TMEM132B: variants seen among roughly 807,000 people sequenced by gnomAD.
TMEM132B encodes transmembrane protein 132B.
TMEM132B carries 18 observed loss-of-function variants against 90.8 expected under a neutral mutation model. That is an observed-to-expected ratio of 0.20 (90% CI 0.14 to 0.29). TMEM132B has a LOEUF of 0.29. TMEM132B is among the 10% of genes least tolerant of loss of function. The pLI is 1.00. For synonymous variants in TMEM132B, 504 were observed against 523.3 expected, an observed-to-expected ratio of 0.96 and a Z score of 0.50; for missense variants, 1,096 against 1,326.8, an observed-to-expected ratio of 0.83 and a Z score of 2.70.
chr12:125,250,900 T>G (rs1874303362), intron 1 of TMEM132B, among the ~76,000 whole-genome samples: 1 of 152,210 alleles, frequency 6.6e-6, no homozygotes, highest in African/African-American at 2.4e-5. Context: ...TCTTCCTTTA[T>G]TCCCTTAAAA....
At position 125,408,241 on chromosome 12, in the gene TMEM132B, A is replaced by G. The variant is rs1471603337; in HGVS notation, c.960-7290A>G. Among the ~76,000 whole-genome samples, 1 of 152,076 alleles carries G rather than the reference A, an allele frequency of 6.6e-6. No homozygotes were observed. The highest frequency in any genetic ancestry group is 1.5e-5 in the Non-Finnish European group (1 of 68,028). On this transcript the variant is annotated intron_variant, in intron 2 of 8. Coordinates refer to ENST00000682704, the MANE Select transcript of TMEM132B (RefSeq NM_001366854.1). The surrounding 1 kb of genome is among the most constrained non-coding windows in gnomAD (Gnocchi z 5.9). ...CTGCTGTATAGTGTTCCACTGTGAG[A>G]TGTTACGCTTTACCAGTTCCGTTGT...
intron 1 of TMEM132B, among the ~76,000 whole-genome samples, chr12:125,314,110 CAGAG>C (rs570967931): frequency 9.0e-4 from 137 of 152,258 alleles, no homozygotes; most frequent in African/African-American, 3.0e-3. Flanking sequence ...TACCTGTGTG[CAGAG>C]AGCTTAGCTG....
intron 4 of TMEM132B, among the ~76,000 whole-genome samples, chr12:125,583,338 G>T (rs1885097997): frequency 6.6e-6 from 1 of 152,160 alleles, no homozygotes; most frequent in South Asian, 2.1e-4. Flanking sequence ...GGGAGGTGGG[G>T]TGTGGCAGTC....
At chr12:125,503,612 C>A (rs764504757) in intron 3 of TMEM132B, among the ~76,000 whole-genome samples, 2 of 152,196 alleles carry the variant, frequency 1.3e-5, no homozygotes, top group African/African-American at 2.4e-5. Context: ...CTCGATGTCC[C>A]TTTCCTTGGA....
intron 2 of TMEM132B, among the ~76,000 whole-genome samples, chr12:125,355,574 A>G (rs557377531): frequency 1.3e-5 from 2 of 152,238 alleles, no homozygotes; most frequent in East Asian, 3.9e-4. Flanking sequence ...GTATTGTTAT[A>G]TGTTGTCTGG....
intron 2 of TMEM132B, among the ~76,000 whole-genome samples, chr12:125,401,564 G>A (rs1020477129): frequency 5.3e-5 from 8 of 152,146 alleles, no homozygotes. Flanking sequence ...TCCAGGCAGG[G>A]GGAATGGCAG....
chr12:125,586,267 A>G (rs2136877523), intron 5 of TMEM132B: 1 of 152,312 alleles, frequency 6.6e-6, no homozygotes, highest in Non-Finnish European at 1.5e-5. Context: ...TGAATTTAGA[A>G]AGATGTAAGT....
intron 2 of TMEM132B, among the ~76,000 whole-genome samples, chr12:125,384,286 A>G (rs761995381): frequency 3.9e-4 from 59 of 152,166 alleles, no homozygotes; most frequent in Non-Finnish European, 7.1e-4. Context: ...TTAATGTTAT[A>G]TCCTTGTCAT....
rs61940799 is a variant in TMEM132B at position 125,645,002 on chromosome 12, G to A, written c.1643+721G>A. Among the ~76,000 whole-genome samples, 975 of 151,740 alleles carry A rather than the reference G, an allele frequency of 6.4e-3. 8 individuals are homozygous for A. Among genetic ancestry groups the A allele is most frequent in the South Asian group, 0.042 (200 of 4,776 alleles). ...GGAGGCCAAGGCAGGCGGATCACGA[G>A]GTCTGGAGATCGACACCATCCTGGC... On this transcript the variant is annotated intron_variant, in intron 6 of 8. Transcript: ENST00000682704.
intron 5 of TMEM132B, among the ~76,000 whole-genome samples, chr12:125,599,781 T>C (rs1263788069): frequency 6.6e-6 from 1 of 152,220 alleles, no homozygotes; most frequent in Non-Finnish European, 1.5e-5. Context: ...TGGGCCTTTT[T>C]TTCAGAATTC....
At chr12:125,430,886 G>T (rs377547717) in intron 3 of TMEM132B, among the ~76,000 whole-genome samples, 1 of 152,126 alleles carries the variant, frequency 6.6e-6, no homozygotes, top group Non-Finnish European at 1.5e-5. Flanking sequence ...CAGATAAGGC[G>T]GTCAGGGAGG....
chr12:125,557,115 T>C (rs140290430), intron 4 of TMEM132B, among the ~76,000 whole-genome samples: 1 of 152,302 alleles, frequency 6.6e-6, no homozygotes, highest in Non-Finnish European at 1.5e-5. Flanking sequence ...TACTCCCATA[T>C]TTAGACATAT....
At chr12:125,427,240 T>C (rs1311155921) in intron 3 of TMEM132B, among the ~76,000 whole-genome samples, 1 of 152,172 alleles carries the variant, frequency 6.6e-6, no homozygotes, top group Non-Finnish European at 1.5e-5. Flanking sequence ...CAGGATTCAT[T>C]GGAAGCAGAC....
chr12:125,350,204 G>A lies in TMEM132B; in HGVS notation c.820G>A (p.Asp274Asn). ...IGSVVVYPTQ[D>N]DLKWSLVSLD... ...GAGTGTGGTGGTCTACCCAACCCAAGATGATCTGAAGTGGTCCCTGGTGAG... is the reference window on the plus strand; with the variant it reads ...GAGTGTGGTGGTCTACCCAACCCAAAATGATCTGAAGTGGTCCCTGGTGAG... Residue 274 changes from aspartate (D) to asparagine (N), a missense_variant, in exon 2 of 9, where the codon GAT (aspartate) becomes AAT (asparagine). Asp to Asn is a conservative substitution (Grantham distance 23). Coordinates refer to ENST00000682704, the MANE Select transcript of TMEM132B (RefSeq NM_001366854.1). 1.2e-6 allele frequency: 2 copies of A among 1,614,160 alleles called. No individual in the cohort carries two copies. The highest frequency in any genetic ancestry group is 1.7e-6 in the Non-Finnish European group (2 of 1,180,032).
At chr12:125,409,023 A>G in intron 2 of TMEM132B, among the ~76,000 whole-genome samples, 1 of 152,246 alleles carries the variant, frequency 6.6e-6, no homozygotes. Context: ...AAGTCAAGAC[A>G]AAGACAGTCC....
intron 5 of TMEM132B, chr12:125,586,158 C>G (rs976286002): frequency 1.2e-4 from 19 of 152,300 alleles, no homozygotes; most frequent in African/African-American, 4.1e-4. Flanking sequence ...AGTCATACTT[C>G]AGAGTACAGA....
chr12:125,647,494 T>G (rs768460078), intron 6 of TMEM132B, among the ~76,000 whole-genome samples: 2 of 152,338 alleles, frequency 1.3e-5, no homozygotes, highest in Middle Eastern at 3.4e-3. Context: ...TGAATGGCAA[T>G]GAATTTCTTG....
chr12:125,605,920 T>G (rs116504897), intron 5 of TMEM132B, among the ~76,000 whole-genome samples: 6 of 152,284 alleles, frequency 3.9e-5, no homozygotes, highest in African/African-American at 1.2e-4. Flanking sequence ...CAAAGACTGA[T>G]GATGTATGAT....
At chr12:125,624,960 G>A (rs962248365) in intron 5 of TMEM132B, among the ~76,000 whole-genome samples, 33 of 152,006 alleles carry the variant, frequency 2.2e-4, no homozygotes, top group Admixed American at 5.9e-4. Flanking sequence ...ACAGTAACCC[G>A]AAGAACAGTT....
Sources: allele counts gnomAD v4.1 joint callset (sites outside exome capture counted in the v4.1 genomes callset), GRCh38; gene constraint gnomAD v4.1.1; non-coding constraint Gnocchi (gnomAD v3.1); transcripts MANE v1.5; gene names NCBI Gene and HGNC (gene_info 2026-07-23, HGNC 2026-07-21).